SLC26A7: variants seen among roughly 807,000 people sequenced by gnomAD.
SLC26A7 encodes solute carrier family 26 member 7.
Under a neutral mutation model 82.5 loss-of-function variants are expected in SLC26A7, and 59 were observed. That is an observed-to-expected ratio of 0.72 (90% CI 0.58 to 0.89). The LOEUF is 0.89. SLC26A7 is among the 40% of genes least tolerant of loss of function. The pLI, the probability that SLC26A7 is intolerant of heterozygous loss-of-function variation, is 0.00. For missense variants in SLC26A7, 820 were observed against 793.0 expected (o/e 1.03, Z -0.41); for synonymous variants, 271 against 274.3 (o/e 0.99, Z 0.12).
At chr8:91,259,288 T>C (rs1331316568) in intron 2 of SLC26A7, among the ~76,000 whole-genome samples, 2 of 152,060 alleles carry the variant, frequency 1.3e-5, no homozygotes, top group African/African-American at 4.8e-5. Flanking sequence ...GGACATGGAC[T>C]TTCTAATTTG....
chr8:91,311,336 T>A (rs1255144326), intron 4 of SLC26A7, among the ~76,000 whole-genome samples: 9 of 152,142 alleles, frequency 5.9e-5, no homozygotes, highest in Non-Finnish European at 1.3e-4. Flanking sequence ...ATAGAGACAG[T>A]AAAGAGCACA....
chr8:91,253,961 C>T (rs755441198), intron 2 of SLC26A7, among the ~76,000 whole-genome samples: 1 of 152,018 alleles, frequency 6.6e-6, no homozygotes, highest in African/African-American at 2.4e-5. Flanking sequence ...TGAATTTAAA[C>T]TAATTCTTAT....
chr8:91,234,876 C>T (rs545008109), intron 2 of SLC26A7, among the ~76,000 whole-genome samples: 2 of 149,260 alleles, frequency 1.3e-5, no homozygotes, highest in Admixed American at 6.7e-5. Context: ...TCCCTTCTTC[C>T]CTCCTTCCTT....
upstream of SLC26A7, among the ~76,000 whole-genome samples, chr8:91,245,060 C>G (rs1263427685): frequency 6.6e-6 from 1 of 152,158 alleles, no homozygotes; most frequent in Admixed American, 6.5e-5. Flanking sequence ...CGGCACTGTT[C>G]AGGACTGTAA....
chr8:91,313,198 G>A (rs1320566986), intron 4 of SLC26A7, among the ~76,000 whole-genome samples: 3 of 152,020 alleles, frequency 2.0e-5, no homozygotes, highest in Non-Finnish European at 4.4e-5. Context: ...TCATTCATTT[G>A]CTTGTGGATA....
upstream of SLC26A7, among the ~76,000 whole-genome samples, chr8:91,248,543 T>C (rs1017977509): frequency 6.6e-6 from 1 of 152,140 alleles, no homozygotes; most frequent in South Asian, 2.1e-4. Flanking sequence ...GCACAGTTCA[T>C]AGATTTAAGT....
At chr8:91,391,763 T>C (rs538716638) in intron 16 of SLC26A7, among the ~76,000 whole-genome samples, 1 of 152,252 alleles carries the variant, frequency 6.6e-6, no homozygotes, top group East Asian at 1.9e-4. Flanking sequence ...GTGATTCTGA[T>C]GCAGGGGGCT....
At chr8:91,394,394 G>A (rs1808507435) in intron 18 of SLC26A7, 1 of 1,486,082 alleles carries the variant, frequency 6.7e-7, no homozygotes. Context: ...TCTAAATATG[G>A]CCTTTTAAGT....
intron 13 of SLC26A7, 129 bp downstream of exon 13, chr8:91,363,667 C>A: frequency 2.0e-6 from 1 of 503,918 alleles, no homozygotes; most frequent in African/African-American, 2.0e-5. Context: ...GTATAAACTT[C>A]CAGTGGTACA....
intron 15 of SLC26A7, among the ~76,000 whole-genome samples, chr8:91,370,819 T>G (rs1394874936): frequency 6.6e-6 from 1 of 152,016 alleles, no homozygotes; most frequent in African/African-American, 2.4e-5. Flanking sequence ...GTTAAATTAT[T>G]CATAATTGTG....
At chr8:91,245,043 A>G (rs911606635), upstream of SLC26A7, among the ~76,000 whole-genome samples, 3 of 152,188 alleles carry the variant, frequency 2.0e-5, no homozygotes, top group African/African-American at 7.2e-5. Context: ...CATGAGAAAA[A>G]TATTAACGGC....
chr8:91,243,930 AAG>A lies in SLC26A7; in HGVS notation c.-33-5687_-33-5686del, dbSNP rs530066054. Among the ~76,000 whole-genome samples, 202 of 152,386 alleles carry A rather than the reference AAG, an allele frequency of 1.3e-3. 2 individuals carry two copies. The highest frequency in any genetic ancestry group is 8.3e-3 in the South Asian group (40 of 4,832). On this transcript the variant is annotated intron_variant, in intron 2 of 5. Coordinates refer to the SLC26A7 transcript ENST00000522862. Reference sequence around the variant, plus strand: ...ATATAAAGACATAAATAAAAGTAAAAAGATGAAAATATATCATATTATGAATA... The same window carrying A: ...ATATAAAGACATAAATAAAAGTAAAAATGAAAATATATCATATTATGAATA...
chr8:91,389,683 G>A (rs954215455), intron 16 of SLC26A7, among the ~76,000 whole-genome samples: 9 of 152,040 alleles, frequency 5.9e-5, no homozygotes, highest in Non-Finnish European at 1.2e-4. Flanking sequence ...GGTAGTCAGA[G>A]AGAACAGTAC....
At chr8:91,365,939 A>G (rs1259110306) in intron 13 of SLC26A7, among the ~76,000 whole-genome samples, 1 of 152,208 alleles carries the variant, frequency 6.6e-6, no homozygotes, top group African/African-American at 2.4e-5. Flanking sequence ...TTAGTTGCAC[A>G]TCACCAAGTG....
At position 91,278,645 on chromosome 8, in the gene SLC26A7, CTG is replaced by C. The variant is rs529980166; in HGVS notation, c.194-10489_194-10488del. ...TTTGCCTTTTTTTAATTAACAAAAACTGTATATGCTTATGAAGTACAACATGA... is the reference window on the plus strand; with the variant it reads ...TTTGCCTTTTTTTAATTAACAAAAACTATATGCTTATGAAGTACAACATGA... On this transcript the variant is annotated intron_variant, in intron 2 of 18. Coordinates refer to ENST00000276609, the MANE Select transcript of SLC26A7 (RefSeq NM_052832.4). Among the ~76,000 whole-genome samples, 343 of 152,092 alleles carry C rather than the reference CTG, an allele frequency of 2.3e-3. 2 individuals are homozygous for C. The highest frequency in any genetic ancestry group is 7.6e-3 in the African/African-American group (315 of 41,486).
At chr8:91,380,596 A>G (rs1372138447) in intron 15 of SLC26A7, among the ~76,000 whole-genome samples, 1 of 152,174 alleles carries the variant, frequency 6.6e-6, no homozygotes, top group Non-Finnish European at 1.5e-5. Flanking sequence ...CATACCATTA[A>G]GATAGTAAAA....
At chr8:91,394,369 C>T (rs1808506290) in intron 18 of SLC26A7, 1 of 1,546,816 alleles carries the variant, frequency 6.5e-7, no homozygotes, top group Admixed American at 2.0e-5. Flanking sequence ...ATCCACCTTT[C>T]TCAAATATAA....
chr8:91,289,281 T>G, intron 3 of SLC26A7, 35 bp downstream of exon 3: 1 of 1,510,400 alleles, frequency 6.6e-7, no homozygotes, highest in Non-Finnish European at 9.2e-7. Context: ...CTAATGTTAC[T>G]CGCAAAAAAG....
intron 9 of SLC26A7, 63 bp from the exon 10 acceptor site, chr8:91,351,747 C>T: frequency 8.9e-7 from 1 of 1,117,830 alleles, no homozygotes; most frequent in Non-Finnish European, 1.4e-6. Context: ...CACCCCATAA[C>T]TTTGACATAA....
Sources: gnomAD v4.1 joint callset for allele counts (sites outside exome capture counted in the v4.1 genomes callset) on GRCh38, gnomAD v4.1.1 for gene constraint, MANE v1.5 for transcripts, NCBI Gene and HGNC (gene_info 2026-07-23, HGNC 2026-07-21) for gene names.